NCAPH: variants seen among roughly 807,000 people sequenced by gnomAD.
NCAPH encodes the protein condensin complex subunit 2.
A neutral mutation model predicts 85.5 loss-of-function variants in NCAPH; 38 were observed. The observed-to-expected ratio is 0.44, with a 90% CI of 0.34 to 0.58. NCAPH has a LOEUF of 0.58. NCAPH is among the 20% of genes least tolerant of loss of function. The probability of loss-of-function intolerance (pLI) is 0.01; values close to 1 mark genes in which losing one functional copy is unlikely to be tolerated. For synonymous variants in NCAPH, 301 were observed against 335.1 expected (o/e 0.90, Z 1.11); for missense variants, 789 against 916.6 (o/e 0.86, Z 1.80).
In NCAPH at chr2:96,367,332, A is replaced by T; in HGVS notation, c.1957A>T (p.Ser653Cys). ...GAAGAAACTGAAGCAGAGCATGTGGAGTCTGCTGACAGCGCTCTCCGGAAA... is the reference window on the plus strand; with the variant it reads ...GAAGAAACTGAAGCAGAGCATGTGGTGTCTGCTGACAGCGCTCTCCGGAAA... ...DMKKLKQSMWSLLTALSGKEA... is the reference protein window; with the variant it reads ...DMKKLKQSMWCLLTALSGKEA... The change falls in exon 15 of 18, where the codon AGT becomes TGT. Residue 653 changes from serine to cysteine, a missense_variant. By Grantham distance (112) the Ser-to-Cys change is moderately radical (BLOSUM62 -1). Coordinates refer to ENST00000240423, the MANE Select transcript of NCAPH (RefSeq NM_015341.5). The T allele has an allele frequency of 6.2e-7, 1 of 1,613,760 alleles. No homozygotes were observed. Among genetic ancestry groups the T allele is most frequent in the East Asian group, 2.2e-5 (1 of 44,866 alleles).
chr2:96,361,596 A>T (rs1164538694), intron 12 of NCAPH, among the ~76,000 whole-genome samples: 1 of 151,494 alleles, frequency 6.6e-6, no homozygotes, highest in Admixed American at 6.6e-5. Flanking sequence ...CTCTTCTCAC[A>T]TGTCCCTGCT....
intron 1 of NCAPH, among the ~76,000 whole-genome samples, chr2:96,338,354 A>T (rs977940976): frequency 6.6e-6 from 1 of 150,924 alleles, no homozygotes; most frequent in African/African-American, 2.4e-5. Context: ...CCTGTTACTG[A>T]GGATGGGCTT....
chr2:96,354,838 T>C (rs2064502096), intron 9 of NCAPH, among the ~76,000 whole-genome samples: 1 of 152,206 alleles, frequency 6.6e-6, no homozygotes, highest in African/African-American at 2.4e-5. Flanking sequence ...TGTAAAGCGT[T>C]TGGAACAAAG....
Position 96,353,314 on chromosome 2 carries a change from C to A in NCAPH, c.919C>A (p.Gln307Lys). 1.2e-6 allele frequency: 2 copies of A among 1,614,148 alleles called. No homozygotes were observed. The highest frequency in any genetic ancestry group is 8.5e-7 in the Non-Finnish European group (1 of 1,179,976). Residue 307 changes from glutamine to lysine, a missense_variant, in exon 8 of 18, where the codon CAG becomes AAG. Gln to Lys is a moderately conservative substitution (Grantham distance 53, BLOSUM62 1). Coordinates refer to ENST00000240423, the MANE Select transcript of NCAPH (RefSeq NM_015341.5). ...CTTGCTATCCTCTCCAGCGCCCTTG[C>A]AGCAGTGTGCAGAAGATCGCCAGAT... ...VEMTDLKAPL[Q>K]QCAEDRQICP...
intron 14 of NCAPH, among the ~76,000 whole-genome samples, chr2:96,366,671 G>A (rs890116326): frequency 2.0e-5 from 3 of 152,184 alleles, no homozygotes; most frequent in Non-Finnish European, 4.4e-5. Flanking sequence ...GATGTCAGGA[G>A]TTCGAGACCA....
Position 96,336,018 on chromosome 2 carries a change from C to CG in NCAPH, c.19+174dup, listed in dbSNP as rs971916379. ...GTGCGGGGGGAGGGGAGGGCCGGCG[C>CG]GGGGCGGGCGGACCTTGTGCGCTCA... On this transcript the variant is annotated intron_variant, in intron 1 of 17. Coordinates refer to ENST00000240423, the MANE Select transcript of NCAPH (RefSeq NM_015341.5). Among the ~76,000 whole-genome samples, 7 of 144,776 alleles carry CG rather than the reference C, an allele frequency of 4.8e-5. No individual in the cohort carries two copies. The East Asian group carries it at 1.1e-3, about 23-fold the overall frequency. The allele number at this position is 144,776 out of a possible 152,430, so 95.0% of individuals were successfully genotyped here.
At chr2:96,337,191 T>A (rs966755616) in intron 1 of NCAPH, among the ~76,000 whole-genome samples, 1 of 152,160 alleles carries the variant, frequency 6.6e-6, no homozygotes, top group African/African-American at 2.4e-5. Context: ...GAAAGAAGAT[T>A]TGGAGAATTA....
At chr2:96,344,057 A>C in intron 5 of NCAPH, 48 bp from the exon 6 acceptor site, 1 of 1,576,222 alleles carries the variant, frequency 6.3e-7, no homozygotes, top group Non-Finnish European at 8.6e-7. Flanking sequence ...AGTTCATCAC[A>C]TGCTTCAAAG....
intron 1 of NCAPH, 142 bp downstream of exon 1, chr2:96,335,990 C>A: frequency 2.5e-6 from 2 of 813,816 alleles, no homozygotes; most frequent in Non-Finnish European, 3.4e-6. Context: ...ACAGCAGAGG[C>A]CGGTGCGGGG....
At chr2:96,347,216 C>T (rs938871523) in intron 6 of NCAPH, among the ~76,000 whole-genome samples, 8 of 151,456 alleles carry the variant, frequency 5.3e-5, no homozygotes, top group Admixed American at 3.9e-4. Context: ...TGCAGAGGCC[C>T]GCAGGGGAAG....
At position 96,344,189 on chromosome 2, in the gene NCAPH, T is replaced by G; in HGVS notation, c.680T>G (p.Ile227Arg). Residue 227 changes from isoleucine (I) to arginine (R), a missense_variant, in exon 6 of 18, where the codon ATA (isoleucine) becomes AGA (arginine). Coordinates refer to ENST00000240423, the MANE Select transcript of NCAPH (RefSeq NM_015341.5). ...KHLHRTIEQNINNLNVSEADR... is the reference protein window; with the variant it reads ...KHLHRTIEQNRNNLNVSEADR... Reference sequence around the variant, plus strand: ...TTACACAGAACTATTGAGCAGAACATAAACAACCTCAATGTCTCCGAAGCA... The same window carrying G: ...TTACACAGAACTATTGAGCAGAACAGAAACAACCTCAATGTCTCCGAAGCA... 1 of 1,613,316 alleles carries G rather than the reference T, an allele frequency of 6.2e-7. No homozygotes were observed. Among genetic ancestry groups the G allele is most frequent in the Non-Finnish European group, 8.5e-7 (1 of 1,179,842 alleles).
intron 6 of NCAPH, 146 bp from the exon 7 acceptor site, chr2:96,351,685 A>AG (rs2064444577): frequency 3.2e-6 from 2 of 633,762 alleles, no homozygotes; most frequent in Non-Finnish European, 4.9e-6. Context: ...AAAAAAAAAA[A>AG]CAAAAACAAA....
intron 13 of NCAPH, among the ~76,000 whole-genome samples, chr2:96,365,338 T>C (rs2064681584): frequency 6.6e-6 from 1 of 152,180 alleles, no homozygotes; most frequent in Non-Finnish European, 1.5e-5. Context: ...TCTCAAACTT[T>C]AACTTACATA....
chr2:96,350,452 A>C (rs1277407942), intron 6 of NCAPH, among the ~76,000 whole-genome samples: 4 of 152,146 alleles, frequency 2.6e-5, no homozygotes, highest in Non-Finnish European at 5.9e-5. Flanking sequence ...ATAGCATTTG[A>C]GAATGGAATA....
intron 1 of NCAPH, among the ~76,000 whole-genome samples, chr2:96,340,679 C>T (rs1048651015): frequency 9.2e-5 from 14 of 151,982 alleles, no homozygotes; most frequent in Non-Finnish European, 8.8e-5. Flanking sequence ...CATGAGCCAC[C>T]GTGCCCGGTA....
chr2:96,344,857 T>C (rs1360996626), intron 6 of NCAPH, among the ~76,000 whole-genome samples: 1 of 152,218 alleles, frequency 6.6e-6, no homozygotes, highest in African/African-American at 2.4e-5. Flanking sequence ...AAAACATTGT[T>C]TCAGTGAACA....
intron 1 of NCAPH, among the ~76,000 whole-genome samples, chr2:96,339,608 A>G (rs1298810475): frequency 6.6e-6 from 1 of 151,634 alleles, no homozygotes; most frequent in East Asian, 1.9e-4. Flanking sequence ...AAAAAAAAAA[A>G]AGAGAAGTCC....
chr2:96,345,997 T>A (rs1018409145), intron 6 of NCAPH, among the ~76,000 whole-genome samples: 1 of 152,204 alleles, frequency 6.6e-6, no homozygotes. Context: ...GTTTTGATTT[T>A]GTTTTTGAAT....
chr2:96,359,153 G>A lies in NCAPH; in HGVS notation c.1317G>A (p.Trp439Ter). 6.2e-7 allele frequency: 1 copy of A among 1,614,202 alleles called. No homozygotes were observed. Among genetic ancestry groups the A allele is most frequent in the South Asian group, 1.1e-5 (1 of 91,086 alleles). Residue 439 changes from tryptophan to a stop codon, truncating the protein, a stop_gained, in exon 10 of 18, where the codon TGG becomes TGA. Transcript: ENST00000240423. LOFTEE classifies it high-confidence loss of function. ...TCAGTCCTCGGACCATGTCGATGTG[G>A]GCTGGCCCGGATCACTGGCGCTTTA... Reference protein sequence around the residue: ...SYFSPRTMSMWAGPDHWRFRP... With the variant: ...SYFSPRTMSM
Sources: allele counts gnomAD v4.1 joint callset (sites outside exome capture counted in the v4.1 genomes callset), GRCh38; gene constraint gnomAD v4.1.1; transcripts MANE v1.5; gene names NCBI Gene and HGNC (gene_info 2026-07-23, HGNC 2026-07-21).